The following FOXK1 variants were observed in gnomAD, a reference collection of about 807,000 sequenced individuals.
FOXK1 encodes forkhead box K1.
In FOXK1, 19 loss-of-function variants were observed where a neutral mutation model predicts 51.9. That is an observed-to-expected ratio of 0.37 (90% confidence interval 0.26 to 0.54). The LOEUF (loss-of-function observed/expected upper bound fraction) is 0.54. FOXK1 is among the 20% of genes least tolerant of loss of function. FOXK1 has a pLI of 0.87. For synonymous variants in FOXK1, 537 were observed against 482.6 expected, an observed-to-expected ratio of 1.11 and a Z score of -1.48; for missense variants, 870 against 1,032.7, an observed-to-expected ratio of 0.84 and a Z score of 2.16.
intron 1 of FOXK1, among the ~76,000 whole-genome samples, chr7:4,721,448 C>T (rs976478274): frequency 6.6e-6 from 1 of 152,136 alleles, no homozygotes; most frequent in African/African-American, 2.4e-5. Flanking sequence ...GAATTCTAAT[C>T]TCCAGGCGTC....
At chr7:4,760,029 C>CAAA (rs10644631) in intron 7 of FOXK1, 4,091 of 150,812 alleles carry the variant, frequency 0.027, 193 homozygotes, top group African/African-American at 0.097. Context: ...AACCCTGTCT[C>CAAA]AAAAAAAAAA....
At chr7:4,708,965 T>C (rs546939678) in intron 1 of FOXK1, among the ~76,000 whole-genome samples, 282 of 150,098 alleles carry the variant, frequency 1.9e-3, no homozygotes, top group Middle Eastern at 3.4e-3. Context: ...CTCGGGAGAC[T>C]GAGGCAGGAG....
chr7:4,737,128 C>T (rs533950269), intron 1 of FOXK1, among the ~76,000 whole-genome samples: 1 of 152,162 alleles, frequency 6.6e-6, no homozygotes, highest in East Asian at 1.9e-4. Context: ...ACCCCGATCT[C>T]CAGGATCCCC....
At chr7:4,708,409 A>T (rs1429853625) in intron 1 of FOXK1, among the ~76,000 whole-genome samples, 1 of 152,158 alleles carries the variant, frequency 6.6e-6, no homozygotes, top group Non-Finnish European at 1.5e-5. Flanking sequence ...CCCGAAGGTA[A>T]ATCAGAGTGG....
In FOXK1 at chr7:4,739,156, A is replaced by G. The variant is rs138892753; in HGVS notation, c.561-1682A>G. ...TGCAGATTTAAAAACACAGTCAGGC[A>G]TAGACCCAGCAGCCTGGTGCTTCAT... On this transcript the variant is annotated intron_variant, in intron 1 of 8. Coordinates refer to ENST00000328914, the MANE Select transcript of FOXK1 (RefSeq NM_001037165.2). 7.5e-3 allele frequency among the ~76,000 whole-genome samples: 1,138 copies of G among 152,348 alleles called. 7 individuals carry two copies. The highest frequency in any genetic ancestry group is 0.017 in the Admixed American group (257 of 15,306).
Position 4,759,946 on chromosome 7 carries a change from G to A in FOXK1, c.1696+351G>A, listed in dbSNP as rs570192063. On this transcript the variant is annotated intron_variant, in intron 7 of 8. Coordinates refer to ENST00000328914, the MANE Select transcript of FOXK1 (RefSeq NM_001037165.2). ...CTCAGGAGGCTGAGGGAGGAGAATCGCTTGAAGCCTGGAGGCAGAGGTTGC... is the reference window on the plus strand; with the variant it reads ...CTCAGGAGGCTGAGGGAGGAGAATCACTTGAAGCCTGGAGGCAGAGGTTGC... 1.2e-5 allele frequency: 4 copies of A among 323,710 alleles called. No homozygotes were observed. In the Admixed American group the frequency reaches 1.4e-4, roughly 12 times the overall value. The allele number at this position is 323,710 out of a possible 1,614,324, so 20.1% of individuals were successfully genotyped here. A position where few individuals can be genotyped will look rare whatever the true frequency, so the allele number is the denominator to read the frequency against.
rs1019279490 is a variant in FOXK1 at position 4,755,739 on chromosome 7, A to T, written c.1050+356A>T. On this transcript the variant is annotated intron_variant, in intron 4 of 8. Transcript: ENST00000328914. This position sits in a 1 kb window ranked among gnomAD's most constrained non-coding sequence, Gnocchi z 6.6. ...GAGAAAGACCCTGTGTCTACAAAGA[A>T]AAAAAATATCTTTTTAACTAAGAAG... is the stretch of plus-strand genomic sequence containing the variant. 6.6e-6 allele frequency among the ~76,000 whole-genome samples: 1 copy of T among 152,182 alleles called. No individual in the cohort carries two copies. Among genetic ancestry groups the T allele is most frequent in the Non-Finnish European group, 1.5e-5 (1 of 68,028 alleles).
At chr7:4,686,269 T>C (rs944496776) in intron 1 of FOXK1, among the ~76,000 whole-genome samples, 4 of 152,164 alleles carry the variant, frequency 2.6e-5, no homozygotes, top group African/African-American at 9.7e-5. Flanking sequence ...CCCACACCAT[T>C]TTCCAAAGCT....
In FOXK1 at chr7:4,756,929, T is replaced by A; in HGVS notation, c.1051-65T>A. On this transcript the variant is annotated intron_variant, in intron 4 of 8. Transcript: ENST00000328914. The surrounding 1 kb of genome is among the most constrained non-coding windows in gnomAD (Gnocchi z 4.1). ...CCCTGGTCCCGCATCTGCTGCAGATTTGAGGTGGGTGGGACTCATTTTCTG... is the reference window on the plus strand; with the variant it reads ...CCCTGGTCCCGCATCTGCTGCAGATATGAGGTGGGTGGGACTCATTTTCTG... 6.4e-7 allele frequency: 1 copy of A among 1,554,650 alleles called. No homozygotes were observed. The highest frequency in any genetic ancestry group is 8.8e-7 in the Non-Finnish European group (1 of 1,141,628).
At chr7:4,700,471 T>C (rs554184280) in intron 1 of FOXK1, among the ~76,000 whole-genome samples, 1 of 152,324 alleles carries the variant, frequency 6.6e-6, no homozygotes, top group African/African-American at 2.4e-5. Flanking sequence ...ACTTCCTTTT[T>C]CATAAGTAAT....
intron 2 of FOXK1, among the ~76,000 whole-genome samples, chr7:4,742,344 C>T (rs910841651): frequency 3.9e-5 from 6 of 152,198 alleles, no homozygotes; most frequent in African/African-American, 9.7e-5. Context: ...GATCTGCGCA[C>T]TCTGCTGAAC....
Position 4,733,556 on chromosome 7 carries a change from G to T in FOXK1, c.561-7282G>T, listed in dbSNP as rs971491893. Among the ~76,000 whole-genome samples the T allele has an allele frequency of 1.3e-5, 2 of 152,188 alleles. No individual in the cohort carries two copies. On this transcript the variant is annotated intron_variant, in intron 1 of 8. Coordinates refer to ENST00000328914, the MANE Select transcript of FOXK1 (RefSeq NM_001037165.2). This position sits in a 1 kb window ranked among gnomAD's most constrained non-coding sequence, Gnocchi z 5.0. Reference sequence around the variant, plus strand: ...CCATTGACCAGCTCATAGTCTCATGGTTGCAAGAGGGGCAGAGAAACATGG... The same window carrying T: ...CCATTGACCAGCTCATAGTCTCATGTTTGCAAGAGGGGCAGAGAAACATGG...
chr7:4,684,332 C>G (rs1779792041), intron 1 of FOXK1, among the ~76,000 whole-genome samples: 1 of 152,164 alleles, frequency 6.6e-6, no homozygotes, highest in African/African-American at 2.4e-5. Flanking sequence ...GGGGTAATTC[C>G]CAGGGCCCAA....
intron 1 of FOXK1, among the ~76,000 whole-genome samples, chr7:4,719,521 A>C (rs1375555959): frequency 6.6e-6 from 1 of 150,832 alleles, no homozygotes; most frequent in East Asian, 2.0e-4. Flanking sequence ...TCACTCCATC[A>C]CCCAGGCTGG....
At chr7:4,690,282 C>T (rs1442813069) in intron 1 of FOXK1, among the ~76,000 whole-genome samples, 1 of 152,224 alleles carries the variant, frequency 6.6e-6, no homozygotes, top group Non-Finnish European at 1.5e-5. Flanking sequence ...GGAGCCGCTT[C>T]GCGGAACGGG....
rs547120771 is a variant in FOXK1 at position 4,756,280 on chromosome 7, A to T, written c.1051-714A>T. Among the ~76,000 whole-genome samples, 96 of 152,020 alleles carry T rather than the reference A, an allele frequency of 6.3e-4. No homozygotes were observed. The highest frequency in any genetic ancestry group is 2.2e-3 in the African/African-American group (93 of 41,514). On this transcript the variant is annotated intron_variant, in intron 4 of 8. Coordinates refer to ENST00000328914, the MANE Select transcript of FOXK1 (RefSeq NM_001037165.2). The surrounding 1 kb of genome is among the most constrained non-coding windows in gnomAD (Gnocchi z 4.1). ...CAGGTGCCCACCACCACACCTGGCTATTTTTTGTATTTTTAGTAGAGATGG... is the reference window on the plus strand; with the variant it reads ...CAGGTGCCCACCACCACACCTGGCTTTTTTTTGTATTTTTAGTAGAGATGG...
intron 1 of FOXK1, among the ~76,000 whole-genome samples, chr7:4,688,148 T>C (rs1469608467): frequency 2.0e-5 from 3 of 152,104 alleles, no homozygotes; most frequent in African/African-American, 7.2e-5. Context: ...CAGGCTTGTT[T>C]TATCTTCACC....
At chr7:4,751,012 CTTTT>C (rs35715224) in intron 2 of FOXK1, among the ~76,000 whole-genome samples, 2 of 102,958 alleles carry the variant, frequency 1.9e-5, no homozygotes, top group Non-Finnish European at 1.9e-5. Context: ...GCCTTCAGCA[CTTTT>C]TTTTTTTTTT....
intron 7 of FOXK1, among the ~76,000 whole-genome samples, chr7:4,760,775 C>T (rs1461607580): frequency 2.6e-5 from 4 of 152,108 alleles, no homozygotes; most frequent in African/African-American, 7.2e-5. Flanking sequence ...CGCTTGAACC[C>T]GGGAGGCGGA....
Sources: gnomAD v4.1 joint callset for allele counts (sites outside exome capture counted in the v4.1 genomes callset) on GRCh38, gnomAD v4.1.1 for gene constraint, Gnocchi (gnomAD v3.1) non-coding constraint, MANE v1.5 for transcripts, NCBI Gene and HGNC (gene_info 2026-07-23, HGNC 2026-07-21) for gene names.